Variants in TRPM7 observed in about 807,000 individuals in gnomAD.
TRPM7 encodes the protein LTRPC ion channel family member 7.
In TRPM7, 134 loss-of-function variants were observed where a neutral mutation model predicts 229.7. The observed-to-expected ratio is 0.58, with a 90% CI of 0.51 to 0.67. The LOEUF (loss-of-function observed/expected upper bound fraction) is 0.67, where lower values mean the gene tolerates loss of function less well. Ranked by LOEUF, TRPM7 falls within the 30% of genes least tolerant of loss-of-function variation. TRPM7 has a pLI of 0.00. For synonymous variants in TRPM7, 699 were observed against 715.2 expected (o/e 0.98, Z 0.36); for missense variants, 1,901 against 2,210.0 (o/e 0.86, Z 2.80).
chr15:50,638,370 A>G (rs866514330), intron 6 of TRPM7, among the ~76,000 whole-genome samples: 1,782 of 86,460 alleles, frequency 0.021, 52 homozygotes, highest in Middle Eastern at 0.036. Flanking sequence ...AAAAAAAAAA[A>G]AAAAAAAAAA....
At chr15:50,637,709 GAAAT>G (rs2060949175) in intron 6 of TRPM7, 116 bp from the exon 7 acceptor site, 1 of 884,718 alleles carries the variant, frequency 1.1e-6, no homozygotes, top group Non-Finnish European at 1.7e-6. Context: ...TTTACATACA[GAAAT>G]AAATACCAAA....
At chr15:50,673,033 GTTAAA>G (rs1445995743) in intron 1 of TRPM7, among the ~76,000 whole-genome samples, 1 of 150,694 alleles carries the variant, frequency 6.6e-6, no homozygotes, top group Non-Finnish European at 1.5e-5. Context: ...TTACAAATCT[GTTAAA>G]TTAAAAAGTT....
Position 50,623,928 on chromosome 15 carries a change from G to A in TRPM7, c.1440+238C>T, listed in dbSNP as rs75565929. On this transcript the variant is annotated intron_variant, in intron 12 of 38. Coordinates refer to ENST00000646667, the MANE Select transcript of TRPM7 (RefSeq NM_017672.6). ...AAGGGGAGGGAAAGGGAAATACACA[G>A]GAAAGAGAGGTAGGCTTAATAGCCC... Among the ~76,000 whole-genome samples the A allele has an allele frequency of 5.1e-3, 776 of 152,254 alleles. 1 individual carries two copies. Among genetic ancestry groups the A allele is most frequent in the Non-Finnish European group, 8.7e-3 (589 of 67,998 alleles).
intron 3 of TRPM7, among the ~76,000 whole-genome samples, chr15:50,652,326 C>T (rs146900558): frequency 4.4e-5 from 2 of 45,258 alleles, no homozygotes; most frequent in Non-Finnish European, 7.2e-5. Flanking sequence ...GAGACTCCAT[C>T]TCAAAAAAAA....
intron 1 of TRPM7, among the ~76,000 whole-genome samples, chr15:50,668,164 T>C (rs2061922898): frequency 6.6e-6 from 1 of 152,186 alleles, no homozygotes; most frequent in East Asian, 1.9e-4. Flanking sequence ...TCACAGGTGC[T>C]CTTAAATGCA....
At chr15:50,645,007 T>A (rs543931798) in intron 4 of TRPM7, among the ~76,000 whole-genome samples, 90 of 150,854 alleles carry the variant, frequency 6.0e-4, no homozygotes, top group Admixed American at 4.0e-3. Flanking sequence ...GCTCAAGCCA[T>A]CCTCCCACCT....
At chr15:50,564,990 G>GAATTAAAAAAA (rs2053530403) in intron 38 of TRPM7, among the ~76,000 whole-genome samples, 3 of 151,530 alleles carry the variant, frequency 2.0e-5, no homozygotes, top group African/African-American at 7.3e-5. Context: ...GAAGGATCTG[G>GAATTAAAAAAA]GCCAGATTGC....
intron 1 of TRPM7, among the ~76,000 whole-genome samples, chr15:50,681,049 G>A (rs1025567361): frequency 2.6e-5 from 4 of 151,978 alleles, no homozygotes; most frequent in African/African-American, 7.2e-5. Flanking sequence ...TCAGGAGTTC[G>A]AGACCAGCCT....
At chr15:50,561,849 GAGAAA>G (rs765855744) in intron 38 of TRPM7, 41 bp from the exon 39 acceptor site, 9 of 1,454,414 alleles carry the variant, frequency 6.2e-6, no homozygotes, top group Middle Eastern at 2.1e-4. Flanking sequence ...AAAAAAGAAA[GAGAAA>G]AGAAAAAAGT....
chr15:50,653,434 G>A (rs2061477259), intron 3 of TRPM7, among the ~76,000 whole-genome samples: 2 of 152,162 alleles, frequency 1.3e-5, no homozygotes, highest in African/African-American at 4.8e-5. Context: ...TAAGTCTTGT[G>A]ATTCATTCTA....
At chr15:50,621,430 AAAT>A (rs2060403814) in intron 12 of TRPM7, among the ~76,000 whole-genome samples, 1 of 152,204 alleles carries the variant, frequency 6.6e-6, no homozygotes, top group Non-Finnish European at 1.5e-5. Context: ...AATTGTTAAT[AAAT>A]AATAAATGTA....
intron 13 of TRPM7, among the ~76,000 whole-genome samples, chr15:50,617,516 T>A (rs551191588): frequency 5.3e-5 from 8 of 150,490 alleles, no homozygotes; most frequent in Non-Finnish European, 1.0e-4. Context: ...AAAAAAAAAA[T>A]TTTAAGTATA....
chr15:50,583,273 C>T (rs1233030694), intron 28 of TRPM7, 114 bp from the exon 29 acceptor site: 5 of 577,138 alleles, frequency 8.7e-6, no homozygotes, highest in Non-Finnish European at 1.5e-5. Context: ...ATAACTCAAC[C>T]TTTCCTCAAC....
At position 50,611,287 on chromosome 15, in the gene TRPM7, G is replaced by C. The variant is rs1334684374; in HGVS notation, c.2086C>G (p.Gln696Glu). 2 of 1,613,712 alleles carry C rather than the reference G, an allele frequency of 1.2e-6. No individual in the cohort carries two copies. The highest frequency in any genetic ancestry group is 1.7e-5 in the Admixed American group (1 of 59,968). The change falls in exon 17 of 39, where the codon CAG becomes GAG. Residue 696 changes from glutamine (Q) to glutamate (E), a missense_variant. Physicochemically the swap from Gln to Glu is conservative, Grantham distance 29. Coordinates refer to ENST00000646667, the MANE Select transcript of TRPM7 (RefSeq NM_017672.6). Reference protein sequence around the residue: ...FGQLAVELLEQSFRQDETMAM... With the variant: ...FGQLAVELLEESFRQDETMAM... ...ATGGTTTCATCTTGTCTGAAGGACT[G>C]TTCTAATAATTCAACGGCCAACTGA...
At chr15:50,620,360 T>C (rs1277036992) in intron 12 of TRPM7, among the ~76,000 whole-genome samples, 1 of 151,990 alleles carries the variant, frequency 6.6e-6, no homozygotes, top group African/African-American at 2.4e-5. Context: ...GTGTATTTTA[T>C]GTGTGGCCCA....
At chr15:50,658,641 A>G (rs1410218495) in intron 2 of TRPM7, among the ~76,000 whole-genome samples, 3 of 152,242 alleles carry the variant, frequency 2.0e-5, no homozygotes, top group East Asian at 3.9e-4. Context: ...GTGAGAGTAT[A>G]TATTTATATA....
chr15:50,575,165 T>C (rs1174918201), intron 33 of TRPM7, 30 bp from the exon 34 acceptor site: 6 of 1,526,976 alleles, frequency 3.9e-6, no homozygotes, highest in Middle Eastern at 1.8e-4. Flanking sequence ...AGTTTAAGAT[T>C]AAATTGTGAC....
chr15:50,576,161 C>T (rs2054122113), intron 31 of TRPM7, among the ~76,000 whole-genome samples: 1 of 152,194 alleles, frequency 6.6e-6, no homozygotes, highest in African/African-American at 2.4e-5. Context: ...TGCACACTAT[C>T]CTAACTCCTG....
intron 13 of TRPM7, among the ~76,000 whole-genome samples, chr15:50,619,276 A>C (rs1396673642): frequency 1.3e-5 from 2 of 149,016 alleles, no homozygotes; most frequent in Non-Finnish European, 3.0e-5. Context: ...GCTGGAATGC[A>C]GTGGCAAGAT....
Sources: gnomAD v4.1 joint callset for allele counts (sites outside exome capture counted in the v4.1 genomes callset) on GRCh38, gnomAD v4.1.1 for gene constraint, MANE v1.5 for transcripts, NCBI Gene and HGNC (gene_info 2026-07-23, HGNC 2026-07-21) for gene names.